Variants in SUPT6H observed in about 807,000 individuals in gnomAD.
SUPT6H encodes transcription elongation factor SPT6.
In SUPT6H, 11 loss-of-function variants were observed where a neutral mutation model predicts 222.3. The observed-to-expected ratio is 0.05, with a 90% CI of 0.03 to 0.08. The LOEUF (loss-of-function observed/expected upper bound fraction) is 0.08, where lower values mean the gene tolerates loss of function less well. Among genes scored for constraint, SUPT6H ranks in the 10% least tolerant of loss-of-function variants. SUPT6H has a pLI of 1.00. For missense variants in SUPT6H, 1,422 were observed against 2,216.0 expected, an observed-to-expected ratio of 0.64 and a Z score of 7.19; for synonymous variants, 762 against 801.2, an observed-to-expected ratio of 0.95 and a Z score of 0.83.
intron 1 of SUPT6H, among the ~76,000 whole-genome samples, chr17:28,662,637 C>G (rs2072078426): frequency 6.6e-6 from 1 of 152,098 alleles, no homozygotes; most frequent in Admixed American, 6.5e-5. Context: ...CTGGGCCACG[C>G]AAAAGGATTG....
chr17:28,666,108 A>G (rs1258533995), intron 1 of SUPT6H, among the ~76,000 whole-genome samples: 1 of 151,896 alleles, frequency 6.6e-6, no homozygotes, highest in Admixed American at 6.6e-5. Context: ...CTCTGACATC[A>G]CTCCCCAAAC....
In SUPT6H at chr17:28,688,272, T is replaced by C; in HGVS notation, c.3134+54T>C. ...AGGAATTCCCTTGTGGGCTTTGTTT[T>C]CGGGTTTCAGGGGTTAGGGCTATCA... On this transcript the variant is annotated intron_variant, in intron 24 of 36. Transcript: ENST00000314616. This position sits in a 1 kb window ranked among gnomAD's most constrained non-coding sequence, Gnocchi z 4.3. 1 of 1,585,728 alleles carries C rather than the reference T, an allele frequency of 6.3e-7. No individual in the cohort carries two copies. The highest frequency in any genetic ancestry group is 8.6e-7 in the Non-Finnish European group (1 of 1,165,142).
chr17:28,698,948 C>CG (rs1158998552), intron 32 of SUPT6H, among the ~76,000 whole-genome samples: 6 of 145,368 alleles, frequency 4.1e-5, no homozygotes, highest in Admixed American at 7.1e-5. Flanking sequence ...AAACTGGTGG[C>CG]GGGGGTGGGG....
At chr17:28,674,659 G>T (rs1430671324) in intron 4 of SUPT6H, 46 bp downstream of exon 4, 8 of 1,588,924 alleles carry the variant, frequency 5.0e-6, no homozygotes, top group African/African-American at 1.3e-5. Context: ...AAAGGAAAAA[G>T]CCCTGGAAAT....
At position 28,693,693 on chromosome 17, in the gene SUPT6H, C is replaced by T. The variant is rs761090189; in HGVS notation, c.3634-3C>T. On this transcript the variant is annotated splice_region_variant and splice_polypyrimidine_tract_variant and intron_variant, in intron 27 of 36. Coordinates refer to ENST00000314616, the MANE Select transcript of SUPT6H (RefSeq NM_003170.5). Reference sequence around the variant, plus strand: ...CAAGCTCTTCTCCTCATGCCCTCTTCAGGTGTGGAACCACTTTGACAGCGG... The same window carrying T: ...CAAGCTCTTCTCCTCATGCCCTCTTTAGGTGTGGAACCACTTTGACAGCGG... 3.7e-6 allele frequency: 6 copies of T among 1,614,214 alleles called. No homozygotes were observed. In the Admixed American group the frequency reaches 1.0e-4, roughly 27 times the overall value.
At chr17:28,682,662 T>G (rs1338982370) in intron 13 of SUPT6H, 65 bp from the exon 14 acceptor site, 1 of 1,575,232 alleles carries the variant, frequency 6.3e-7, no homozygotes, top group African/African-American at 1.4e-5. Flanking sequence ...AACTCCAGAT[T>G]CTGAAAGCCA....
chr17:28,696,695 G>A (rs1306255268), intron 29 of SUPT6H, 149 bp from the exon 30 acceptor site: 3 of 720,944 alleles, frequency 4.2e-6, no homozygotes, highest in South Asian at 3.3e-5. Flanking sequence ...CGAGGCTACA[G>A]TGAGTCATGA....
At position 28,700,242 on chromosome 17, in the gene SUPT6H, A is replaced by G. The variant is rs766355388; in HGVS notation, c.4631A>G (p.Asn1544Ser). 13 of 1,614,076 alleles carry G rather than the reference A, an allele frequency of 8.1e-6. No homozygotes were observed. The highest frequency in any genetic ancestry group is 8.0e-5 in the African/African-American group (6 of 74,912). The change falls in exon 34 of 37, where the codon AAC becomes AGC. Residue 1544 changes from asparagine (N) to serine (S), a missense_variant. Physicochemically the swap from Asn to Ser is conservative, Grantham distance 46. Around this residue, in one of 13 missense-constraint regions of SUPT6H, gnomAD observed 395 missense variants for 580.6 expected, o/e 0.68. Coordinates refer to ENST00000314616, the MANE Select transcript of SUPT6H (RefSeq NM_003170.5). Reference sequence around the variant, plus strand: ...ATCAATGCTACCCCAGCCAACATCAACCTTGCAGGTGAGGAGCTTGAGCCT... The same window carrying G: ...ATCAATGCTACCCCAGCCAACATCAGCCTTGCAGGTGAGGAGCTTGAGCCT... ...ASINATPANI[N>S]LADLTRAVNA... is the part of the protein sequence containing the mutation.
chr17:28,690,389 A>C (rs1001811293), intron 26 of SUPT6H, among the ~76,000 whole-genome samples, 160 bp downstream of exon 26: 4 of 152,244 alleles, frequency 2.6e-5, no homozygotes, highest in African/African-American at 9.6e-5. Flanking sequence ...ACTGGAAATC[A>C]AAACTGAATT....
Position 28,701,174 on chromosome 17 carries a change from G to A in SUPT6H, c.4994+46G>A, listed in dbSNP as rs1475414193. The A allele has an allele frequency of 1.9e-6, 3 of 1,559,530 alleles. No individual in the cohort carries two copies. In the African/African-American group the frequency reaches 4.1e-5, roughly 21 times the overall value. On this transcript the variant is annotated intron_variant, in intron 36 of 36. Transcript: ENST00000314616. Reference sequence around the variant, plus strand: ...ACAGTGCAGGTCAGTGGTAGGGGCAGGTGTTGTCAAGAGGCCGAAAGGCTT... The same window carrying A: ...ACAGTGCAGGTCAGTGGTAGGGGCAAGTGTTGTCAAGAGGCCGAAAGGCTT...
rs1229320091 is a variant in SUPT6H, at chr17:28,700,402, G to A, written c.4696G>A (p.Ala1566Thr). 1 of 1,614,124 alleles carries A rather than the reference G, an allele frequency of 6.2e-7. No homozygotes were observed. The highest frequency in any genetic ancestry group is 1.3e-5 in the African/African-American group (1 of 74,942). Residue 1566 changes from alanine (A) to threonine (T), a missense_variant, in exon 35 of 37, where the codon GCC becomes ACC. By Grantham distance (58) the Ala-to-Thr change is moderately conservative. Around this residue, in one of 13 missense-constraint regions of SUPT6H, gnomAD observed 395 missense variants for 580.6 expected, o/e 0.68. Coordinates refer to ENST00000314616, the MANE Select transcript of SUPT6H (RefSeq NM_003170.5). The part of the protein sequence containing the change: ...PQNMTSQMFS[A>T]IAAVTGQGQN... Reference sequence around the variant, plus strand: ...GAACATGACTTCACAGATGTTCAGTGCCATTGCTGCGGTGACAGGCCAAGG... The same window carrying A: ...GAACATGACTTCACAGATGTTCAGTACCATTGCTGCGGTGACAGGCCAAGG...
chr17:28,685,527 A>G (rs1042580666), intron 19 of SUPT6H, among the ~76,000 whole-genome samples: 1 of 150,982 alleles, frequency 6.6e-6, no homozygotes, highest in African/African-American at 2.4e-5. Flanking sequence ...GTCTTGCTCC[A>G]TCTCCAGGCT....
At chr17:28,686,872 T>C (rs2031404983) in intron 21 of SUPT6H, 83 bp downstream of exon 21, 6 of 1,515,026 alleles carry the variant, frequency 4.0e-6, no homozygotes, top group Non-Finnish European at 4.4e-6. Flanking sequence ...ACAAAAGTTA[T>C]CAGGGGCACA....
At chr17:28,700,571 G>T (rs545110520) in intron 35 of SUPT6H, 59 bp downstream of exon 35, 2 of 1,573,024 alleles carry the variant, frequency 1.3e-6, no homozygotes, top group South Asian at 1.2e-5. Flanking sequence ...CTGCCCTCTC[G>T]CATTGCCCAC....
intron 32 of SUPT6H, among the ~76,000 whole-genome samples, chr17:28,699,317 GAACT>G (rs990191699): frequency 7.2e-5 from 11 of 152,178 alleles, no homozygotes; most frequent in Non-Finnish European, 4.4e-5. Flanking sequence ...ACTAGAACTG[GAACT>G]AACCCAGAGC....
At chr17:28,677,871 A>T (rs1041103857) in intron 8 of SUPT6H, 55 bp downstream of exon 8, 2 of 1,512,716 alleles carry the variant, frequency 1.3e-6, no homozygotes, top group Non-Finnish European at 1.8e-6. Context: ...CTTCATCAAG[A>T]TGGGGAGCTC....
chr17:28,676,544 A>G, intron 7 of SUPT6H, 114 bp downstream of exon 7: 12 of 1,489,356 alleles, frequency 8.1e-6, no homozygotes, highest in Non-Finnish European at 1.1e-5. Context: ...ACCTCATCTC[A>G]CCTGGGGCCT....
chr17:28,674,771 G>C, intron 4 of SUPT6H, 158 bp downstream of exon 4: 1 of 896,088 alleles, frequency 1.1e-6, no homozygotes, highest in Non-Finnish European at 1.7e-6. Context: ...TTGCATCCCA[G>C]ATCTGGGTGC....
At chr17:28,678,304 A>C in intron 9 of SUPT6H, 112 bp downstream of exon 9, 2 of 996,844 alleles carry the variant, frequency 2.0e-6, no homozygotes, top group South Asian at 2.8e-5. Context: ...CCTATCCATG[A>C]CTCAACAAGT....
Sources: allele counts gnomAD v4.1 joint callset (sites outside exome capture counted in the v4.1 genomes callset), GRCh38; gene constraint gnomAD v4.1.1; regional missense constraint gnomAD v4.1.1; non-coding constraint Gnocchi (gnomAD v3.1); transcripts MANE v1.5; gene names NCBI Gene and HGNC (gene_info 2026-07-23, HGNC 2026-07-21).